FER1L5: variants seen among roughly 807,000 people sequenced by gnomAD.
FER1L5 encodes the protein fer-1-like protein 5.
FER1L5 carries 187 observed loss-of-function variants against 279.9 expected under a neutral mutation model. The ratio of observed to expected loss-of-function variants is 0.67; its 90% CI spans 0.59 to 0.75. The LOEUF is 0.75. Among genes scored for constraint, FER1L5 ranks in the 30% least tolerant of loss-of-function variants. The pLI, the probability that FER1L5 is intolerant of heterozygous loss-of-function variation, is 0.00. For synonymous variants in FER1L5, 921 were observed against 989.7 expected (o/e 0.93, Z 1.30); for missense variants, 2,091 against 2,594.4 (o/e 0.81, Z 4.21).
chr2:96,651,564 C>G (rs180707964), intron 6 of FER1L5, among the ~76,000 whole-genome samples: 7 of 150,726 alleles, frequency 4.6e-5, no homozygotes, highest in Non-Finnish European at 1.0e-4. Context: ...TGCAGTGGCA[C>G]GATCACAGCT....
In FER1L5 at chr2:96,689,494, G is replaced by T; in HGVS notation, c.2525+118G>T. On this transcript the variant is annotated intron_variant, in intron 25 of 52. Coordinates refer to ENST00000624922, the MANE Select transcript of FER1L5 (RefSeq NM_001293083.2). The surrounding 1 kb of genome is among the most constrained non-coding windows in gnomAD (Gnocchi z 4.6). Reference sequence around the variant, plus strand: ...AAGCCTGGTGCCAGAGGGCCGAGGTGCACCAGGCCAAGGGCCCTGCCCACC... The same window carrying T: ...AAGCCTGGTGCCAGAGGGCCGAGGTTCACCAGGCCAAGGGCCCTGCCCACC... 6.7e-7 allele frequency: 1 copy of T among 1,482,920 alleles called. No individual in the cohort carries two copies. Among genetic ancestry groups the T allele is most frequent in the Admixed American group, 2.1e-5 (1 of 46,580 alleles). 91.9% of individuals were successfully genotyped at this position (1,482,920 alleles called of 1,614,324 possible). A position where few individuals can be genotyped will look rare whatever the true frequency, so the allele number is the denominator to read the frequency against.
At chr2:96,686,152 G>C (rs2076916156) in intron 22 of FER1L5, 35 bp downstream of exon 22, 7 of 1,546,858 alleles carry the variant, frequency 4.5e-6, no homozygotes, top group Non-Finnish European at 6.1e-6. Flanking sequence ...CAGCAGGGCT[G>C]GGAGCCAGCC....
chr2:96,659,327 T>TTCCTTCCTTCCTTCCG lies in FER1L5; in HGVS notation c.748-999_748-998insGTCCTTCCTTCCTTCC. ...CTTCCTTCCTTCCTTCCTTCCTTCC[T>TTCCTTCCTTCCTTCCG]TCCTTCCTTCCTTCCTTCCTTCCTT... is the stretch of plus-strand genomic sequence containing the variant. On this transcript the variant is annotated intron_variant, in intron 9 of 52. Coordinates refer to ENST00000624922, the MANE Select transcript of FER1L5 (RefSeq NM_001293083.2). Among the ~76,000 whole-genome samples the TTCCTTCCTTCCTTCCG allele has an allele frequency of 2.7e-5, 2 of 75,412 alleles. 1 individual carries two copies. Among genetic ancestry groups the TTCCTTCCTTCCTTCCG allele is most frequent in the African/African-American group, 1.0e-4 (2 of 19,574 alleles). The allele number at this position is 75,412 out of a possible 152,430, so 49.5% of individuals were successfully genotyped here.
chr2:96,684,631 A>T (rs1410149374), intron 20 of FER1L5, among the ~76,000 whole-genome samples, 180 bp downstream of exon 20: 1 of 152,202 alleles, frequency 6.6e-6, no homozygotes, highest in Non-Finnish European at 1.5e-5. Context: ...AAGATCATTA[A>T]ACACAGTCCC....
intron 34 of FER1L5, 102 bp from the exon 35 acceptor site, chr2:96,695,407 C>T (rs1460123186): frequency 2.4e-5 from 34 of 1,425,228 alleles, no homozygotes; most frequent in Non-Finnish European, 3.1e-5. Flanking sequence ...CCTGCAGGCT[C>T]CTGCTGCACC....
Position 96,704,621 on chromosome 2 carries a change from T to A in FER1L5, c.6103T>A (p.Trp2035Arg). The A allele has an allele frequency of 6.2e-7, 1 of 1,613,968 alleles. No individual in the cohort carries two copies. Among genetic ancestry groups the A allele is most frequent in the Non-Finnish European group, 8.5e-7 (1 of 1,179,884 alleles). The change falls in exon 53 of 53, where the codon TGG (tryptophan) becomes AGG (arginine). Residue 2035 changes from tryptophan (W) to arginine (R), a missense_variant. By Grantham distance (101) the Trp-to-Arg change is moderately radical. Transcript: ENST00000624922. ...PNLKPTIDHE[W>R]KLHPGPTNHL... Reference sequence around the variant, plus strand: ...CCTAAAGCCTACAATAGACCATGAGTGGAAACTCCACCCAGGACCCACAAA... The same window carrying A: ...CCTAAAGCCTACAATAGACCATGAGAGGAAACTCCACCCAGGACCCACAAA...
At position 96,669,052 on chromosome 2, in the gene FER1L5, C is replaced by T; in HGVS notation, c.1277C>T (p.Ser426Phe). Residue 426 changes from serine (S) to phenylalanine (F), a missense_variant, in exon 17 of 53, where the codon TCC becomes TTC. Ser to Phe is a radical substitution (Grantham distance 155). Coordinates refer to ENST00000624922, the MANE Select transcript of FER1L5 (RefSeq NM_001293083.2). ...CTCTCTCTCCTTCCAGGAGTGTACT[C>T]CGGCTTCCTGCCCTGCTTTGGCCCC... ...STGEEIEGVY[S>F]GFLPCFGPSF... The T allele has an allele frequency of 6.4e-7, 1 of 1,551,694 alleles. No homozygotes were observed. The highest frequency in any genetic ancestry group is 8.7e-7 in the Non-Finnish European group (1 of 1,146,988).
At position 96,665,277 on chromosome 2, in the gene FER1L5, G is replaced by A. The variant is rs115642922; in HGVS notation, c.1140+1770G>A. ...TTTGTTTCCTCATACCTTACATTGT[G>A]AAATACAAAATTAGCTAATGCGCTC... On this transcript the variant is annotated intron_variant, in intron 14 of 52. Transcript: ENST00000624922. 3.2e-3 allele frequency among the ~76,000 whole-genome samples: 490 copies of A among 152,272 alleles called. 3 individuals are homozygous for A. Among genetic ancestry groups the A allele is most frequent in the African/African-American group, 0.012 (479 of 41,560 alleles).
chr2:96,684,410 A>T lies in FER1L5; in HGVS notation c.1753A>T (p.Met585Leu). ...TSNWEDVSFR[M>L]NCLNLLHFTR... is the part of the protein sequence containing the mutation. Reference sequence around the variant, plus strand: ...CAACTGGGAGGACGTCAGCTTCCGCATGAACTGCCTCAACCTCCTCCACTT... The same window carrying T: ...CAACTGGGAGGACGTCAGCTTCCGCTTGAACTGCCTCAACCTCCTCCACTT... The change falls in exon 20 of 53, where the codon ATG becomes TTG. Residue 585 changes from methionine to leucine, a missense_variant. Transcript: ENST00000624922. 1 of 1,551,636 alleles carries T rather than the reference A, an allele frequency of 6.4e-7. No homozygotes were observed.
chr2:96,666,561 C>T lies in FER1L5; in HGVS notation c.1141-2190C>T, dbSNP rs567902559. ...AGAACTGCTGTAAGGAGAAGAGGCCCCAGCTGAGAGGATTGAGGATTTGGG... is the reference window on the plus strand; with the variant it reads ...AGAACTGCTGTAAGGAGAAGAGGCCTCAGCTGAGAGGATTGAGGATTTGGG... On this transcript the variant is annotated intron_variant, in intron 14 of 52. Transcript: ENST00000624922. Among the ~76,000 whole-genome samples the T allele has an allele frequency of 9.2e-5, 14 of 152,162 alleles. No individual in the cohort carries two copies. The East Asian group carries it at 2.7e-3, about 29-fold the overall frequency.
intron 2 of FER1L5, among the ~76,000 whole-genome samples, 185 bp downstream of exon 2, chr2:96,646,638 C>G (rs569231901): frequency 1.3e-5 from 2 of 152,190 alleles, no homozygotes; most frequent in African/African-American, 4.8e-5. Context: ...GAAGGCCACA[C>G]CTGCCCACGA....
Position 96,669,092 on chromosome 2 carries a change from G to A in FER1L5, c.1317G>A (p.Leu439=), listed in dbSNP as rs1223802293. ...GCTTTGGCCCCAGCTTCCTGACTCT[G>A]CATGGGGGTAAAAAGGCCCCTTTCA... ...LPCFGPSFLT[L]HGGKKAPFRI... Residue 439 remains leucine, a synonymous_variant, in exon 17 of 53, where the codon CTG becomes CTA. Coordinates refer to ENST00000624922, the MANE Select transcript of FER1L5 (RefSeq NM_001293083.2). 2 of 1,551,676 alleles carry A rather than the reference G, an allele frequency of 1.3e-6. No individual in the cohort carries two copies. Among genetic ancestry groups the A allele is most frequent in the East Asian group, 4.9e-5 (2 of 40,914 alleles).
At position 96,670,141 on chromosome 2, in the gene FER1L5, A is replaced by AT; in HGVS notation, c.1386dup (p.Gly463TrpfsTer30). On this transcript the variant is annotated frameshift_variant, in exon 18 of 53. Transcript: ENST00000624922. LOFTEE classifies it high-confidence loss of function. The stretch of plus-strand genomic sequence containing the variant: ...TAGTGTATTCCCGACTCTGTTAGGG[A>AT]TGGTTTAGCTTATCGAGGCCGAGTC... The AT allele has an allele frequency of 4.5e-6, 7 of 1,551,378 alleles. No individual in the cohort carries two copies. Among genetic ancestry groups the AT allele is most frequent in the Non-Finnish European group, 5.2e-6 (6 of 1,146,924 alleles).
At chr2:96,699,351 G>GC (rs1450631365) in intron 42 of FER1L5, among the ~76,000 whole-genome samples, 199 bp from the exon 43 acceptor site, 1 of 152,160 alleles carries the variant, frequency 6.6e-6, no homozygotes, top group Non-Finnish European at 1.5e-5. Flanking sequence ...GGAGCTCAGA[G>GC]CCCCACACCA....
At chr2:96,670,363 T>C in intron 18 of FER1L5, 116 bp downstream of exon 18, 1 of 1,331,218 alleles carries the variant, frequency 7.5e-7, no homozygotes, top group Non-Finnish European at 1.0e-6. Context: ...CTGTTGAGTG[T>C]GTAAGGATGC....
intron 3 of FER1L5, 124 bp from the exon 4 acceptor site, chr2:96,647,654 A>G (rs2075193404): frequency 2.9e-6 from 2 of 686,910 alleles, no homozygotes; most frequent in South Asian, 3.6e-5. Context: ...ATTCTTCTCC[A>G]GCCTCTCTCT....
intron 1 of FER1L5, among the ~76,000 whole-genome samples, chr2:96,643,717 G>GT (rs141285845): frequency 0.01 from 1,558 of 150,718 alleles, 7 homozygotes; most frequent in Non-Finnish European, 0.016. Flanking sequence ...AATGAAGCAA[G>GT]TTTTATTATC....
chr2:96,704,140 A>G, intron 51 of FER1L5, 75 bp from the exon 52 acceptor site: 1 of 1,555,758 alleles, frequency 6.4e-7, no homozygotes, highest in Non-Finnish European at 8.7e-7. Context: ...TTAAAAAAGA[A>G]AGCTCTTTGC....
rs2077469350 is a variant in FER1L5 at position 96,698,574 on chromosome 2, C to A, written c.4357-97C>A. The A allele has an allele frequency of 4.7e-6, 5 of 1,065,710 alleles. No homozygotes were observed. The South Asian group carries it at 7.6e-5, about 16-fold the overall frequency. 66.0% of individuals were successfully genotyped at this position (1,065,710 alleles called of 1,614,324 possible). A position where few individuals can be genotyped will look rare whatever the true frequency, so the allele number is the denominator to read the frequency against. On this transcript the variant is annotated intron_variant, in intron 40 of 52. Coordinates refer to ENST00000624922, the MANE Select transcript of FER1L5 (RefSeq NM_001293083.2). This position sits in a 1 kb window ranked among gnomAD's most constrained non-coding sequence, Gnocchi z 5.5. ...TATCCCTGCCACCCTCAGCCCAACCCTCTCTCTCCTGAACATGGGCTGGGG... is the reference window on the plus strand; with the variant it reads ...TATCCCTGCCACCCTCAGCCCAACCATCTCTCTCCTGAACATGGGCTGGGG...
Sources: gnomAD v4.1 joint callset for allele counts (sites outside exome capture counted in the v4.1 genomes callset) on GRCh38, gnomAD v4.1.1 for gene constraint, Gnocchi (gnomAD v3.1) non-coding constraint, MANE v1.5 for transcripts, NCBI Gene and HGNC (gene_info 2026-07-23, HGNC 2026-07-21) for gene names.